DNAH3: variants seen among roughly 807,000 people sequenced by gnomAD.
DNAH3 encodes dynein axonemal heavy chain 3.
A neutral mutation model predicts 432.5 loss-of-function variants in DNAH3; 332 were observed. That is an observed-to-expected ratio of 0.77 (90% CI 0.70 to 0.84). The LOEUF (loss-of-function observed/expected upper bound fraction) is 0.84. Ranked by LOEUF, DNAH3 falls within the 40% of genes least tolerant of loss-of-function variation. The pLI, the probability that DNAH3 is intolerant of heterozygous loss-of-function variation, is 0.00. For missense variants in DNAH3, 4,861 were observed against 5,114.0 expected (o/e 0.95, Z 1.51); for synonymous variants, 1,956 against 1,900.2 (o/e 1.03, Z -0.76).
At chr16:20,934,488 T>C (rs1223150138) in intron 61 of DNAH3, among the ~76,000 whole-genome samples, 1 of 152,182 alleles carries the variant, frequency 6.6e-6, no homozygotes, top group East Asian at 1.9e-4. Flanking sequence ...GCAGGAATCA[T>C]CTAACACAAA....
At chr16:21,004,387 G>A (rs988943259) in intron 41 of DNAH3, among the ~76,000 whole-genome samples, 12 of 150,276 alleles carry the variant, frequency 8.0e-5, no homozygotes, top group African/African-American at 2.9e-4. Context: ...CTTTTTTTTA[G>A]AGATGGAGTC....
chr16:21,146,496 C>T (rs779901553), intron 1 of DNAH3, among the ~76,000 whole-genome samples: 34 of 152,162 alleles, frequency 2.2e-4, no homozygotes, highest in African/African-American at 5.3e-4. Flanking sequence ...GCGGAGGTTG[C>T]GGTGAGCTGA....
Position 21,031,035 on chromosome 16 carries a change from C to T in DNAH3, c.5439+10G>A, listed in dbSNP as rs749929606. The T allele has an allele frequency of 2.4e-5, 38 of 1,613,752 alleles. No homozygotes were observed. Among genetic ancestry groups the T allele is most frequent in the Non-Finnish European group, 3.1e-5 (37 of 1,179,924 alleles). ...ACTCATGGAAAAGTCATATCAGGGT[C>T]AATACTTACCTTTTTATTGTCATCC... is the stretch of plus-strand genomic sequence containing the variant. On this transcript the variant is annotated intron_variant, in intron 37 of 61. Transcript: ENST00000261383.
intron 44 of DNAH3, among the ~76,000 whole-genome samples, chr16:20,991,844 A>T (rs536034826): frequency 6.6e-6 from 1 of 152,172 alleles, no homozygotes; most frequent in Non-Finnish European, 1.5e-5. Flanking sequence ...AGTACTCAAT[A>T]ATGTTTCTCC....
Position 21,140,535 on chromosome 16 carries a change from C to T in DNAH3, c.696+1G>A. On this transcript the variant is annotated splice_donor_variant, in intron 5 of 61. Transcript: ENST00000261383. LOFTEE classifies it high-confidence loss of function. ...AGGGAAAGGGGGCAACAGGAACGTA[C>T]CTCCAGGTCCGATTCAGATGGCTTC... 1 of 1,613,282 alleles carries T rather than the reference C, an allele frequency of 6.2e-7. No individual in the cohort carries two copies. Among genetic ancestry groups the T allele is most frequent in the Non-Finnish European group, 8.5e-7 (1 of 1,179,454 alleles).
intron 18 of DNAH3, among the ~76,000 whole-genome samples, chr16:21,090,732 C>T (rs1167082762): frequency 6.6e-6 from 1 of 152,036 alleles, no homozygotes; most frequent in Non-Finnish European, 1.5e-5. Context: ...TTACCAGAGG[C>T]TTGGATGAGG....
chr16:21,072,386 GCA>G (rs1459596078), intron 21 of DNAH3, among the ~76,000 whole-genome samples: 1 of 150,788 alleles, frequency 6.6e-6, no homozygotes, highest in Non-Finnish European at 1.5e-5. Flanking sequence ...GAGTGCAGTG[GCA>G]TGATCTCAGC....
At chr16:21,145,292 T>A (rs898642677) in exon 3 of DNAH3, 1 of 1,613,994 alleles carries the variant, frequency 6.2e-7, no homozygotes, top group Non-Finnish European at 8.5e-7. Context: ...AAGGAGTAGT[T>A]GTTGGCGATG....
At chr16:21,111,849 T>G (rs1321628927) in intron 13 of DNAH3, 45 bp from the exon 14 acceptor site, 2 of 1,599,268 alleles carry the variant, frequency 1.3e-6, no homozygotes, top group African/African-American at 2.7e-5. Flanking sequence ...CCCTTGAGCC[T>G]CTCCCACTTG....
intron 37 of DNAH3, among the ~76,000 whole-genome samples, chr16:21,030,000 T>A (rs1597185422): frequency 6.7e-6 from 1 of 150,066 alleles, no homozygotes; most frequent in East Asian, 2.0e-4. Flanking sequence ...TTAAAACAAA[T>A]TTTTTTTTTG....
chr16:21,153,951 A>C (rs1442894496), intron 1 of DNAH3, among the ~76,000 whole-genome samples: 1 of 152,202 alleles, frequency 6.6e-6, no homozygotes, highest in East Asian at 1.9e-4. Flanking sequence ...TTTATCACAA[A>C]GTATACATAC....
chr16:20,983,097 T>A (rs2085990548), intron 48 of DNAH3, among the ~76,000 whole-genome samples: 1 of 152,104 alleles, frequency 6.6e-6, no homozygotes, highest in South Asian at 2.1e-4. Context: ...AGGAGCCCAT[T>A]ACAATAGCCC....
At chr16:20,992,124 CAACT>C (rs2152682413) in intron 44 of DNAH3, among the ~76,000 whole-genome samples, 1 of 152,116 alleles carries the variant, frequency 6.6e-6, no homozygotes, top group Admixed American at 6.6e-5. Flanking sequence ...TGTAGGTGAC[CAACT>C]ATTATTATTG....
rs375454235 is a variant in DNAH3 at position 21,050,652 on chromosome 16, C to T, written c.4239-634G>A. 8.5e-5 allele frequency among the ~76,000 whole-genome samples: 13 copies of T among 152,280 alleles called. No homozygotes were observed. In the East Asian group the frequency reaches 1.5e-3, roughly 18 times the overall value. On this transcript the variant is annotated intron_variant, in intron 29 of 61. Transcript: ENST00000261383. ...ATGGGATTTTGCCATGTTGCCCAAGCGGGTTGGTCTCAAACTTCTGGGATC... is the reference window on the plus strand; with the variant it reads ...ATGGGATTTTGCCATGTTGCCCAAGTGGGTTGGTCTCAAACTTCTGGGATC...
At chr16:21,049,434 A>G (rs2089859841) in intron 31 of DNAH3, 135 bp downstream of exon 31, 1 of 647,694 alleles carries the variant, frequency 1.5e-6, no homozygotes, top group Non-Finnish European at 2.7e-6. Context: ...TGTTTAGTTC[A>G]CTGAGTACCT....
chr16:21,024,044 G>A (rs753082339), intron 39 of DNAH3, among the ~76,000 whole-genome samples: 28 of 152,142 alleles, frequency 1.8e-4, no homozygotes, highest in African/African-American at 3.4e-4. Context: ...TCCTGCTTCC[G>A]GGTCTGAGAG....
rs764978601 is a variant in DNAH3, at chr16:21,069,532, G to A, written c.3264C>T (p.Ala1088=). 1.9e-6 allele frequency: 3 copies of A among 1,613,584 alleles called. No individual in the cohort carries two copies. The East Asian group carries it at 6.7e-5, about 36-fold the overall frequency. Residue 1088 remains alanine, a synonymous_variant, in exon 23 of 62, where the codon GCC becomes GCT. Coordinates refer to ENST00000261383, the Ensembl canonical transcript of DNAH3. Reference sequence around the variant, plus strand: ...AGATTGGTTCCAGGTACAGCCAGGTGGCTTGGCATTTCAACCAGGCATCCA... The same window carrying A: ...AGATTGGTTCCAGGTACAGCCAGGTAGCTTGGCATTTCAACCAGGCATCCA...
intron 8 of DNAH3, among the ~76,000 whole-genome samples, chr16:21,126,513 A>C (rs1230180024): frequency 2.6e-5 from 4 of 152,246 alleles, no homozygotes; most frequent in Non-Finnish European, 5.9e-5. Context: ...CAAAGGAAAA[A>C]GGAATTGTGT....
chr16:21,050,903 T>C (rs1373451815), intron 29 of DNAH3, among the ~76,000 whole-genome samples: 1 of 152,230 alleles, frequency 6.6e-6, no homozygotes, highest in African/African-American at 2.4e-5. Flanking sequence ...TTCTATGTTT[T>C]CATTTAGCAC....
Sources: allele counts gnomAD v4.1 joint callset (sites outside exome capture counted in the v4.1 genomes callset), GRCh38; gene constraint gnomAD v4.1.1; transcripts MANE v1.5; gene names NCBI Gene and HGNC (gene_info 2026-07-23, HGNC 2026-07-21).